The following GABRG3 variants were observed in gnomAD, a reference collection of about 807,000 sequenced individuals.
GABRG3 encodes the protein gamma-aminobutyric acid type A receptor subunit gamma3.
Under a neutral mutation model 48.8 loss-of-function variants are expected in GABRG3, and 25 were observed. That is an observed-to-expected ratio of 0.51 (90% CI 0.37 to 0.72). The LOEUF (loss-of-function observed/expected upper bound fraction) is 0.72, where lower values mean the gene tolerates loss of function less well. Among genes scored for constraint, GABRG3 ranks in the 30% least tolerant of loss-of-function variants. GABRG3 has a pLI of 0.00. For synonymous variants in GABRG3, 227 were observed against 217.6 expected (o/e 1.04, Z -0.38); for missense variants, 394 against 577.9 (o/e 0.68, Z 3.26).
chr15:27,003,077 A>G (rs925184433), intron 2 of GABRG3, among the ~76,000 whole-genome samples: 3 of 151,892 alleles, frequency 2.0e-5, no homozygotes, highest in African/African-American at 7.2e-5. Context: ...TCAAGCTTCT[A>G]TTACATTTAT....
chr15:27,121,135 C>T (rs1001867860), intron 3 of GABRG3, among the ~76,000 whole-genome samples: 2 of 152,174 alleles, frequency 1.3e-5, no homozygotes, highest in Non-Finnish European at 2.9e-5. Context: ...TACAGAGTAG[C>T]TTATGGGTCT....
chr15:27,109,975 T>C (rs1457715396), intron 3 of GABRG3, among the ~76,000 whole-genome samples: 2 of 152,212 alleles, frequency 1.3e-5, no homozygotes, highest in Non-Finnish European at 2.9e-5. Context: ...TTATATCCAC[T>C]TTGTCTATCT....
At chr15:27,035,382 C>T (rs546544504) in intron 3 of GABRG3, among the ~76,000 whole-genome samples, 11 of 152,296 alleles carry the variant, frequency 7.2e-5, no homozygotes, top group African/African-American at 2.4e-4. Flanking sequence ...TTGTTAGCAG[C>T]GATCTCATGC....
chr15:26,984,989 C>T (rs748321728), intron 2 of GABRG3, among the ~76,000 whole-genome samples: 2 of 152,248 alleles, frequency 1.3e-5, no homozygotes, highest in Non-Finnish European at 2.9e-5. Flanking sequence ...TAGAGGGCTT[C>T]TTCAAGTGTT....
chr15:27,241,879 T>A (rs1348743721), intron 3 of GABRG3, among the ~76,000 whole-genome samples: 7 of 152,240 alleles, frequency 4.6e-5, no homozygotes, highest in Admixed American at 3.9e-4. Context: ...TAAAACTAGA[T>A]TCAATATTAC....
chr15:27,021,686 T>A (rs561707813), intron 2 of GABRG3, among the ~76,000 whole-genome samples: 23 of 151,892 alleles, frequency 1.5e-4, no homozygotes, highest in African/African-American at 5.3e-4. Context: ...ACAAAAAAAA[T>A]TAAAAAATTA....
intron 5 of GABRG3, among the ~76,000 whole-genome samples, chr15:27,393,827 C>A (rs981103655): frequency 5.3e-5 from 8 of 152,146 alleles, no homozygotes; most frequent in Non-Finnish European, 8.8e-5. Context: ...AGAATGGCAG[C>A]CCCGCTGATA....
intron 3 of GABRG3, among the ~76,000 whole-genome samples, chr15:27,255,151 C>T (rs1160213314): frequency 6.6e-6 from 1 of 152,200 alleles, no homozygotes; most frequent in African/African-American, 2.4e-5. Context: ...CTGTTGATGC[C>T]AAGCAGGCAA....
At chr15:27,292,388 CT>C (rs965067678) in intron 3 of GABRG3, among the ~76,000 whole-genome samples, 24 of 151,644 alleles carry the variant, frequency 1.6e-4, no homozygotes, top group African/African-American at 5.6e-4. Context: ...TGTAACAAAA[CT>C]GCATGTTCTG....
At chr15:27,183,598 C>A (rs1202332500) in intron 3 of GABRG3, among the ~76,000 whole-genome samples, 1 of 152,190 alleles carries the variant, frequency 6.6e-6, no homozygotes, top group African/African-American at 2.4e-5. Flanking sequence ...TTATATTCTT[C>A]TTCGAATTAT....
chr15:27,488,080 G>A (rs1016412363), intron 6 of GABRG3, among the ~76,000 whole-genome samples: 7 of 152,276 alleles, frequency 4.6e-5, no homozygotes, highest in Middle Eastern at 3.4e-3. Context: ...AGCCTTTGAC[G>A]CCTGAGCTGA....
At position 27,166,433 on chromosome 15, in the gene GABRG3, G is replaced by A. The variant is rs952664932; in HGVS notation, c.270+139612G>A. Among the ~76,000 whole-genome samples the A allele has an allele frequency of 2.0e-5, 3 of 151,414 alleles. No individual in the cohort carries two copies. In the East Asian group the frequency reaches 5.9e-4, roughly 30 times the overall value. ...GGGTTTTAGAGTGGTTTGTTATTTTGTAGGAAGAGTGAAAGGTGTTTCTGT... is the reference window on the plus strand; with the variant it reads ...GGGTTTTAGAGTGGTTTGTTATTTTATAGGAAGAGTGAAAGGTGTTTCTGT... On this transcript the variant is annotated intron_variant, in intron 3 of 9. Transcript: ENST00000615808.
At chr15:27,098,214 AC>A (rs1897297679) in intron 3 of GABRG3, among the ~76,000 whole-genome samples, 1 of 152,126 alleles carries the variant, frequency 6.6e-6, no homozygotes, top group African/African-American at 2.4e-5. Context: ...CGAGTGGATC[AC>A]CTGAGGTCAG....
At chr15:27,214,521 C>T (rs116160023) in intron 3 of GABRG3, among the ~76,000 whole-genome samples, 356 of 129,506 alleles carry the variant, frequency 2.7e-3, no homozygotes, top group African/African-American at 0.01. Flanking sequence ...AAGAAAAAAG[C>T]TGAATCTTGT....
intron 3 of GABRG3, among the ~76,000 whole-genome samples, chr15:27,028,312 G>A (rs61998080): frequency 0.14 from 21,582 of 152,124 alleles, 1,820 homozygotes; most frequent in South Asian, 0.2. Flanking sequence ...AGGACAGAGT[G>A]CGTCACACAG....
intron 5 of GABRG3, among the ~76,000 whole-genome samples, chr15:27,427,068 G>A (rs1336610177): frequency 6.6e-6 from 1 of 152,144 alleles, no homozygotes; most frequent in African/African-American, 2.4e-5. Flanking sequence ...TCAATACTCT[G>A]TCTTCTGGGA....
intron 5 of GABRG3, among the ~76,000 whole-genome samples, chr15:27,415,312 A>G (rs1484661462): frequency 1.3e-5 from 2 of 151,880 alleles, no homozygotes. Context: ...AGCTGTATCC[A>G]TCTCCTAGTG....
At chr15:27,295,988 G>A (rs548974462) in intron 3 of GABRG3, among the ~76,000 whole-genome samples, 7 of 152,182 alleles carry the variant, frequency 4.6e-5, no homozygotes, top group South Asian at 2.1e-4. Flanking sequence ...TGGAACCTTC[G>A]TCCTACAAGT....
chr15:27,436,872 T>C (rs1297162276), intron 5 of GABRG3, among the ~76,000 whole-genome samples: 2 of 152,082 alleles, frequency 1.3e-5, no homozygotes, highest in African/African-American at 2.4e-5. Context: ...GGCGTACACC[T>C]GTGGTCCCAG....
Sources: allele counts gnomAD v4.1 joint callset (sites outside exome capture counted in the v4.1 genomes callset), GRCh38; gene constraint gnomAD v4.1.1; transcripts MANE v1.5; gene names NCBI Gene and HGNC (gene_info 2026-07-23, HGNC 2026-07-21).